Variants in NRG3 observed in about 807,000 individuals in gnomAD.
NRG3 encodes the protein pro-neuregulin-3, membrane-bound isoform.
A neutral mutation model predicts 66.9 loss-of-function variants in NRG3; 31 were observed. The observed-to-expected ratio is 0.46, with a 90% CI of 0.35 to 0.63. The LOEUF is 0.63. NRG3 is among the 20% of genes least tolerant of loss of function. The probability of loss-of-function intolerance (pLI) is 0.00; values close to 1 mark genes in which losing one functional copy is unlikely to be tolerated. For synonymous variants in NRG3, 393 were observed against 359.4 expected (o/e 1.09, Z -1.06); for missense variants, 910 against 878.9 (o/e 1.04, Z -0.45).
At chr10:81,913,233 C>T (rs1278694132) in intron 1 of NRG3, among the ~76,000 whole-genome samples, 2 of 152,144 alleles carry the variant, frequency 1.3e-5, no homozygotes, top group African/African-American at 4.8e-5. Context: ...AATGGAGCTT[C>T]AAAGAGCAGA....
chr10:82,232,325 G>A (rs1022323025), intron 1 of NRG3: 1 of 157,502 alleles, frequency 6.3e-6, no homozygotes, highest in Admixed American at 6.4e-5. Context: ...AACATGGATT[G>A]GATGACTTGC....
chr10:82,490,710 A>G (rs1843020430), intron 2 of NRG3, among the ~76,000 whole-genome samples: 1 of 152,140 alleles, frequency 6.6e-6, no homozygotes, highest in Non-Finnish European at 1.5e-5. Flanking sequence ...ATTTAAGACA[A>G]TATCTCCAGT....
chr10:82,787,077 G>C lies in NRG3; in HGVS notation c.1027+48427G>C, dbSNP rs61858424. 7.9e-3 allele frequency among the ~76,000 whole-genome samples: 1,196 copies of C among 152,226 alleles called. 9 individuals carry two copies. Among genetic ancestry groups the C allele is most frequent in the Non-Finnish European group, 0.012 (811 of 68,030 alleles). Reference sequence around the variant, plus strand: ...CAGCACAAAACAGACTAGACATGCAGCCATTTTCCCTCTAGACACATGCAC... The same window carrying C: ...CAGCACAAAACAGACTAGACATGCACCCATTTTCCCTCTAGACACATGCAC... On this transcript the variant is annotated intron_variant, in intron 3 of 8. Coordinates refer to ENST00000372141, the MANE Select transcript of NRG3 (RefSeq NM_001010848.4).
At chr10:82,919,095 G>GTGTGTGTGTGTGTT (rs1478656368) in intron 4 of NRG3, among the ~76,000 whole-genome samples, 2 of 128,104 alleles carry the variant, frequency 1.6e-5, no homozygotes, top group African/African-American at 6.4e-5. Context: ...GTGTGTGTGT[G>GTGTGTGTGTGTGTT]TGTGTATGTG....
chr10:82,259,404 C>T (rs1427066313), intron 1 of NRG3, among the ~76,000 whole-genome samples: 3 of 152,000 alleles, frequency 2.0e-5, no homozygotes, highest in East Asian at 3.9e-4. Flanking sequence ...GAAGACCCAG[C>T]GCACCTGACA....
chr10:82,156,405 TA>T (rs2071189677), intron 1 of NRG3, among the ~76,000 whole-genome samples: 1 of 151,556 alleles, frequency 6.6e-6, no homozygotes, highest in Non-Finnish European at 1.5e-5. Context: ...CCAAAATCTA[TA>T]GATTAAAATT....
chr10:82,754,151 A>G (rs1170884543), intron 3 of NRG3, among the ~76,000 whole-genome samples: 1 of 151,918 alleles, frequency 6.6e-6, no homozygotes, highest in Non-Finnish European at 1.5e-5. Context: ...ATTAAATCGT[A>G]TTTATTTATT....
chr10:82,171,122 C>T (rs2072569120), intron 1 of NRG3, among the ~76,000 whole-genome samples: 1 of 151,706 alleles, frequency 6.6e-6, no homozygotes, highest in Non-Finnish European at 1.5e-5. Context: ...CATTTAGTCT[C>T]CTGGTGCAAT....
chr10:81,966,669 AT>A (rs1220926294), intron 1 of NRG3, among the ~76,000 whole-genome samples: 1 of 152,092 alleles, frequency 6.6e-6, no homozygotes, highest in Non-Finnish European at 1.5e-5. Context: ...ATGAAGTCTG[AT>A]AGGGTCTACC....
intron 2 of NRG3, among the ~76,000 whole-genome samples, chr10:82,616,892 C>T (rs1307566635): frequency 6.6e-6 from 1 of 152,128 alleles, no homozygotes; most frequent in African/African-American, 2.4e-5. Context: ...TTTTTCTCAA[C>T]CTATGTCAGT....
chr10:82,832,505 T>C (rs1351671311), intron 3 of NRG3, among the ~76,000 whole-genome samples: 1 of 152,138 alleles, frequency 6.6e-6, no homozygotes, highest in African/African-American at 2.4e-5. Context: ...AATAATAATA[T>C]ATGGCAATAT....
chr10:82,677,634 A>G (rs1591132840), intron 2 of NRG3, among the ~76,000 whole-genome samples: 1 of 152,114 alleles, frequency 6.6e-6, no homozygotes, highest in Non-Finnish European at 1.5e-5. Flanking sequence ...AGCAGGGGCA[A>G]ATTGTATGCA....
At chr10:82,440,520 G>A (rs1381961669) in intron 2 of NRG3, among the ~76,000 whole-genome samples, 1 of 151,944 alleles carries the variant, frequency 6.6e-6, no homozygotes, top group African/African-American at 2.4e-5. Flanking sequence ...AGGCTTTGCA[G>A]TGAAACTTGA....
intron 2 of NRG3, among the ~76,000 whole-genome samples, chr10:82,717,379 C>A (rs190890806): frequency 0.038 from 5,292 of 140,444 alleles, 364 homozygotes; most frequent in African/African-American, 0.13. Context: ...TAAAATGAAG[C>A]ATTGGAAAAG....
intron 2 of NRG3, among the ~76,000 whole-genome samples, chr10:82,692,121 G>A (rs1371352765): frequency 6.6e-6 from 1 of 151,982 alleles, no homozygotes; most frequent in Non-Finnish European, 1.5e-5. Context: ...AGGCGTGGTG[G>A]CAGAGCCTGT....
At position 82,432,465 on chromosome 10, in the gene NRG3, A is replaced by G. The variant is rs562850769; in HGVS notation, c.953+73597A>G. On this transcript the variant is annotated intron_variant, in intron 2 of 8. Transcript: ENST00000372141. ...GGCAGCATAGTATTCCATTGCATAT[A>G]TACACCACATTTTTTTTCTGTATTT... 4.6e-5 allele frequency among the ~76,000 whole-genome samples: 7 copies of G among 150,692 alleles called. No homozygotes were observed. In the South Asian group the frequency reaches 6.3e-4, roughly 14 times the overall value.
chr10:82,605,738 C>T (rs2047927698), intron 2 of NRG3, among the ~76,000 whole-genome samples: 1 of 151,968 alleles, frequency 6.6e-6, no homozygotes, highest in African/African-American at 2.4e-5. Context: ...TCCATCTGAG[C>T]TGGTTGCTTT....
intron 3 of NRG3, among the ~76,000 whole-genome samples, chr10:82,791,799 G>C (rs1328583382): frequency 6.6e-6 from 1 of 152,178 alleles, no homozygotes; most frequent in Non-Finnish European, 1.5e-5. Flanking sequence ...GCTGCTGATT[G>C]CTTCAACAAA....
At chr10:82,451,456 A>G (rs931403592) in intron 2 of NRG3, among the ~76,000 whole-genome samples, 1 of 152,304 alleles carries the variant, frequency 6.6e-6, no homozygotes, top group Middle Eastern at 3.4e-3. Flanking sequence ...GTAGGTAAAT[A>G]TTAACATTAG....
Sources: gnomAD v4.1 joint callset for allele counts (sites outside exome capture counted in the v4.1 genomes callset) on GRCh38, gnomAD v4.1.1 for gene constraint, MANE v1.5 for transcripts, NCBI Gene and HGNC (gene_info 2026-07-23, HGNC 2026-07-21) for gene names.